The following LARP1 variants were observed in gnomAD, a reference collection of about 807,000 sequenced individuals.
LARP1 encodes la-related protein 1.
LARP1 carries 36 observed loss-of-function variants against 122.7 expected under a neutral mutation model. The observed-to-expected ratio is 0.29, with a 90% confidence interval of 0.22 to 0.39. The LOEUF (loss-of-function observed/expected upper bound fraction) is 0.39. Among genes scored for constraint, LARP1 ranks in the 10% least tolerant of loss-of-function variants. The probability of loss-of-function intolerance (pLI) is 1.00; values close to 1 mark genes in which losing one functional copy is unlikely to be tolerated. For missense variants in LARP1, 1,040 were observed against 1,403.6 expected (o/e 0.74, Z 4.14); for synonymous variants, 539 against 528.7 (o/e 1.02, Z -0.27).
intron 1 of LARP1, chr5:154,685,883 G>GGGCT: frequency 1.0e-5 from 5 of 500,794 alleles, no homozygotes; most frequent in Non-Finnish European, 2.0e-5. Flanking sequence ...AAACTGTACA[G>GGGCT]CCCTAAGTGG....
At chr5:154,726,790 C>G (rs1173593517) in intron 1 of LARP1, among the ~76,000 whole-genome samples, 1 of 152,170 alleles carries the variant, frequency 6.6e-6, no homozygotes, top group Non-Finnish European at 1.5e-5. Context: ...CTCACAGATC[C>G]ACATGGCTGG....
At chr5:154,739,246 T>A (rs949324057) in intron 1 of LARP1, among the ~76,000 whole-genome samples, 2 of 152,128 alleles carry the variant, frequency 1.3e-5, no homozygotes, top group Non-Finnish European at 2.9e-5. Context: ...GGTCTCGATC[T>A]CCTGACCTCG....
At position 154,793,968 on chromosome 5, in the gene LARP1, G is replaced by A. The variant is rs189865108; in HGVS notation, c.1037G>A (p.Arg346His). The A allele has an allele frequency of 5.0e-6, 8 of 1,611,520 alleles. No individual in the cohort carries two copies. Among genetic ancestry groups the A allele is most frequent in the South Asian group, 1.1e-5 (1 of 90,968 alleles). ...SFRGRGRGRG[R>H]GRGRGRGGTR... ...CGTGGCCGTGGACGGGGGCGTGGTC[G>A]CGGCCGGGGACGCGGCCGGGGTGGC... The change falls in exon 6 of 19, where the codon CGC (arginine) becomes CAC (histidine). Residue 346 changes from arginine (R) to histidine (H), a missense_variant. Transcript: ENST00000518297.
intron 1 of LARP1, among the ~76,000 whole-genome samples, chr5:154,694,233 AG>A (rs1017273501): frequency 3.9e-5 from 6 of 152,184 alleles, no homozygotes; most frequent in Admixed American, 3.9e-4. Context: ...TAAAAAAATA[AG>A]GACCACGTTT....
Position 154,799,589 on chromosome 5 carries a change from A to G in LARP1, c.1378-2A>G. On this transcript the variant is annotated splice_acceptor_variant, in intron 8 of 18. Transcript: ENST00000518297. LOFTEE classifies it high-confidence loss of function. ...TCCCCTCTTCCTTCTCCTCCCCTTCAGGCCCTAAAGGACAGCAAGGTGGTG... is the reference window on the plus strand; with the variant it reads ...TCCCCTCTTCCTTCTCCTCCCCTTCGGGCCCTAAAGGACAGCAAGGTGGTG... 6.2e-7 allele frequency: 1 copy of G among 1,613,754 alleles called. No individual in the cohort carries two copies. Among genetic ancestry groups the G allele is most frequent in the Non-Finnish European group, 8.5e-7 (1 of 1,179,716 alleles).
chr5:154,710,081 G>C (rs377384377), upstream of LARP1, among the ~76,000 whole-genome samples: 11 of 152,202 alleles, frequency 7.2e-5, no homozygotes, highest in South Asian at 1.0e-3. Context: ...AGCTCAGGGG[G>C]TAATGCAAGT....
intron 1 of LARP1, among the ~76,000 whole-genome samples, chr5:154,774,111 T>C (rs1755667504): frequency 6.6e-6 from 1 of 151,740 alleles, no homozygotes; most frequent in Non-Finnish European, 1.5e-5. Flanking sequence ...GCCTGTAAAA[T>C]TGGGCTGCTT....
At chr5:154,703,120 CAAAAAAAAAA>C (rs757446137) in intron 1 of LARP1, among the ~76,000 whole-genome samples, 490 of 38,788 alleles carry the variant, frequency 0.013, 5 homozygotes, top group African/African-American at 0.037. Context: ...GACGCTGTCT[CAAAAAAAAAA>C]AAAAAAAAAA....
chr5:154,703,862 C>A (rs140434738), intron 1 of LARP1, among the ~76,000 whole-genome samples: 6,065 of 152,212 alleles, frequency 0.04, 288 homozygotes, highest in East Asian at 0.17. Flanking sequence ...CTCAGGTGAT[C>A]CGCCCTCCTC....
chr5:154,756,395 C>T, intron 1 of LARP1: 1 of 991,268 alleles, frequency 1.0e-6, no homozygotes, highest in South Asian at 4.0e-5. Context: ...CCCGAGGGCC[C>T]GGCCTCCGGG....
In LARP1 at chr5:154,811,243, A is replaced by G. The variant is rs1417104390; in HGVS notation, c.2844-4A>G. 2.5e-6 allele frequency: 4 copies of G among 1,611,660 alleles called. No homozygotes were observed. The highest frequency in any genetic ancestry group is 1.7e-5 in the Admixed American group (1 of 59,990). ...CCCTGATTTCACTGACTTGTGTTCT[A>G]CAGATATGGTTTGGAGTGCCTTTTT... On this transcript the variant is annotated splice_region_variant and splice_polypyrimidine_tract_variant and intron_variant, in intron 16 of 18. Coordinates refer to ENST00000518297, the MANE Select transcript of LARP1 (RefSeq NM_033551.3).
At chr5:154,725,537 G>A (rs2113373131) in intron 1 of LARP1, among the ~76,000 whole-genome samples, 1 of 151,914 alleles carries the variant, frequency 6.6e-6, no homozygotes, top group South Asian at 2.1e-4. Context: ...GTGACAGAGT[G>A]AGACTATGTC....
chr5:154,767,610 G>C (rs963240029), intron 1 of LARP1, among the ~76,000 whole-genome samples: 3 of 152,218 alleles, frequency 2.0e-5, no homozygotes, highest in African/African-American at 7.2e-5. Context: ...ATGCCCTAGT[G>C]TTAGAATGTC....
chr5:154,683,621 A>G lies in LARP1; in HGVS notation c.-180+584A>G, dbSNP rs557360965. Among the ~76,000 whole-genome samples the G allele has an allele frequency of 2.0e-5, 3 of 152,292 alleles. No homozygotes were observed. In the South Asian group the frequency reaches 6.2e-4, roughly 32 times the overall value. On this transcript the variant is annotated intron_variant, in intron 1 of 18. Coordinates refer to the LARP1 transcript ENST00000687700. ...TCCTTTGTGTTTCCTGCCAGGCCTC[A>G]TATGGAATGATTCCTAGTCTAGTCC...
At chr5:154,767,718 T>G (rs1231213562) in intron 1 of LARP1, among the ~76,000 whole-genome samples, 1 of 152,234 alleles carries the variant, frequency 6.6e-6, no homozygotes, top group Non-Finnish European at 1.5e-5. Flanking sequence ...CTCTCTCTGA[T>G]TTTTCTGTTC....
intron 1 of LARP1, among the ~76,000 whole-genome samples, chr5:154,735,478 A>G (rs1011490794): frequency 1.3e-5 from 2 of 152,046 alleles, no homozygotes; most frequent in East Asian, 3.9e-4. Context: ...CCTGCTTTCA[A>G]ATCTTTTGGA....
At position 154,812,324 on chromosome 5, in the gene LARP1, T is replaced by G. The variant is rs558893627; in HGVS notation, c.3081+684T>G. On this transcript the variant is annotated intron_variant, in intron 18 of 18. Coordinates refer to ENST00000518297, the MANE Select transcript of LARP1 (RefSeq NM_033551.3). ...ACATTTTGTATTAGTCTCTTCTCAC[T>G]CTGCTAATAAAGACATACCTGAGAC... Among the ~76,000 whole-genome samples, 13 of 152,290 alleles carry G rather than the reference T, an allele frequency of 8.5e-5. No homozygotes were observed. In the East Asian group the frequency reaches 2.5e-3, roughly 29 times the overall value.
rs1757241590 is a variant in LARP1, at chr5:154,790,315, G to C, written c.437-10G>C. 6.2e-7 allele frequency: 1 copy of C among 1,611,538 alleles called. No homozygotes were observed. Among genetic ancestry groups the C allele is most frequent in the Non-Finnish European group, 8.5e-7 (1 of 1,178,746 alleles). On this transcript the variant is annotated splice_polypyrimidine_tract_variant and intron_variant, in intron 1 of 18. Coordinates refer to ENST00000518297, the MANE Select transcript of LARP1 (RefSeq NM_033551.3). ...TTTGCATTACTAACTCTCCCTTCTT[G>C]TTCCCACAGAACACTCTGCTCCAGC...
At chr5:154,719,650 C>G (rs1309614733) in intron 1 of LARP1, among the ~76,000 whole-genome samples, 1 of 151,194 alleles carries the variant, frequency 6.6e-6, no homozygotes, top group East Asian at 2.0e-4. Flanking sequence ...TCACATGAGG[C>G]CAGGAGTTTG....
Sources: allele counts gnomAD v4.1 joint callset (sites outside exome capture counted in the v4.1 genomes callset), GRCh38; gene constraint gnomAD v4.1.1; transcripts MANE v1.5; gene names NCBI Gene and HGNC (gene_info 2026-07-23, HGNC 2026-07-21).